Variants in PPP1R16B observed in about 807,000 individuals in gnomAD.
PPP1R16B encodes the protein protein phosphatase 1 regulatory inhibitor subunit 16B.
Under a neutral mutation model 61.7 loss-of-function variants are expected in PPP1R16B, and 14 were observed. The ratio of observed to expected loss-of-function variants is 0.23; its 90% CI spans 0.15 to 0.35. The LOEUF (loss-of-function observed/expected upper bound fraction) is 0.35. Among genes scored for constraint, PPP1R16B ranks in the 10% least tolerant of loss-of-function variants. PPP1R16B has a pLI of 1.00. For synonymous variants in PPP1R16B, 266 were observed against 305.3 expected (o/e 0.87, Z 1.34); for missense variants, 547 against 752.5 (o/e 0.73, Z 3.19).
intron 1 of PPP1R16B, among the ~76,000 whole-genome samples, chr20:38,822,616 T>C (rs563593702): frequency 1.3e-5 from 2 of 151,128 alleles, no homozygotes; most frequent in African/African-American, 4.8e-5. Context: ...CTCTGATCAA[T>C]AGCTTTGTTC....
At chr20:38,852,185 G>A (rs1248659650) in intron 2 of PPP1R16B, among the ~76,000 whole-genome samples, 2 of 152,198 alleles carry the variant, frequency 1.3e-5, no homozygotes, top group Non-Finnish European at 2.9e-5. Context: ...CATTGCTAAG[G>A]ACAATCTGAT....
At chr20:38,846,688 G>A (rs76872773) in intron 2 of PPP1R16B, among the ~76,000 whole-genome samples, 3,894 of 152,156 alleles carry the variant, frequency 0.026, 87 homozygotes, top group Admixed American at 0.07. Flanking sequence ...AAATTATGCC[G>A]TGGTGAATAT....
At chr20:38,835,357 A>G (rs757588244) in intron 1 of PPP1R16B, among the ~76,000 whole-genome samples, 11 of 152,148 alleles carry the variant, frequency 7.2e-5, no homozygotes, top group Non-Finnish European at 1.5e-4. Context: ...ACCCCTTCTG[A>G]TTCCAGCACT....
chr20:38,852,424 G>A (rs1357661101), intron 2 of PPP1R16B, among the ~76,000 whole-genome samples: 2 of 152,216 alleles, frequency 1.3e-5, no homozygotes, highest in Non-Finnish European at 2.9e-5. Context: ...GATAGTATGA[G>A]ACTGCTCTTG....
chr20:38,910,665 C>G (rs960293835), intron 10 of PPP1R16B, among the ~76,000 whole-genome samples: 1 of 151,744 alleles, frequency 6.6e-6, no homozygotes, highest in African/African-American at 2.4e-5. Flanking sequence ...TCTTGGGTAG[C>G]TGGGACTATA....
At chr20:38,817,664 T>C (rs1018820088) in intron 1 of PPP1R16B, among the ~76,000 whole-genome samples, 11 of 151,892 alleles carry the variant, frequency 7.2e-5, no homozygotes, top group African/African-American at 2.7e-4. Context: ...AGATGATAGC[T>C]ATTGTCATTT....
Position 38,920,748 on chromosome 20 carries a change from G to T in PPP1R16B, c.*2082G>T, listed in dbSNP as rs1401133260. 1 of 152,424 alleles carries T rather than the reference G, an allele frequency of 6.6e-6. No homozygotes were observed. The highest frequency in any genetic ancestry group is 1.5e-5 in the Non-Finnish European group (1 of 68,220). 9.4% of individuals were successfully genotyped at this position (152,424 alleles called of 1,614,324 possible). On this transcript the variant is annotated 3_prime_UTR_variant, in exon 11 of 11. Coordinates refer to ENST00000299824, the MANE Select transcript of PPP1R16B (RefSeq NM_015568.4). The stretch of plus-strand genomic sequence containing the variant: ...TAGAGTAGGGGTGGAGGCGGCCCAG[G>T]AGGCTGAAGACAGGTGCACAGATGC...
intron 2 of PPP1R16B, among the ~76,000 whole-genome samples, chr20:38,851,708 A>G (rs1197857887): frequency 6.6e-6 from 1 of 152,092 alleles, no homozygotes; most frequent in Non-Finnish European, 1.5e-5. Context: ...AACATGCTTA[A>G]CAATGGATGG....
intron 1 of PPP1R16B, among the ~76,000 whole-genome samples, chr20:38,815,377 T>C (rs1304116207): frequency 6.6e-6 from 1 of 152,230 alleles, no homozygotes; most frequent in Non-Finnish European, 1.5e-5. Flanking sequence ...GATAGTCCAG[T>C]GATAAAAATG....
chr20:38,876,869 T>G (rs1381826201), intron 2 of PPP1R16B, among the ~76,000 whole-genome samples: 2 of 152,258 alleles, frequency 1.3e-5, no homozygotes, highest in Non-Finnish European at 2.9e-5. Flanking sequence ...TTTAAAATGC[T>G]TGGGAAATAC....
chr20:38,827,707 A>G (rs1302724132), intron 1 of PPP1R16B, among the ~76,000 whole-genome samples: 2 of 152,204 alleles, frequency 1.3e-5, no homozygotes, highest in Admixed American at 1.3e-4. Flanking sequence ...ATTAGGGGAG[A>G]CAACATTGAT....
intron 4 of PPP1R16B, among the ~76,000 whole-genome samples, chr20:38,896,647 G>C (rs2085351894): frequency 6.6e-6 from 1 of 151,730 alleles, no homozygotes. Context: ...CCCATTTTAA[G>C]TGTGCAGGTT....
chr20:38,902,428 T>G (rs1237414993), intron 5 of PPP1R16B, among the ~76,000 whole-genome samples: 1 of 152,160 alleles, frequency 6.6e-6, no homozygotes, highest in African/African-American at 2.4e-5. Context: ...GAACAGCATA[T>G]GCAAAGTGAC....
At chr20:38,807,123 C>G (rs549971266) in intron 1 of PPP1R16B, among the ~76,000 whole-genome samples, 1 of 152,208 alleles carries the variant, frequency 6.6e-6, no homozygotes, top group Admixed American at 6.5e-5. Context: ...AAGGGCCTGC[C>G]GATGGCGGCC....
intron 6 of PPP1R16B, 24 bp downstream of exon 6, chr20:38,902,816 A>G (rs201673592): frequency 7.1e-5 from 115 of 1,613,782 alleles, no homozygotes; most frequent in Non-Finnish European, 2.0e-5. Context: ...CCAGTACCAA[A>G]ACCAAGACCA....
At chr20:38,832,748 G>A (rs919730098) in intron 1 of PPP1R16B, among the ~76,000 whole-genome samples, 11 of 151,864 alleles carry the variant, frequency 7.2e-5, no homozygotes, top group East Asian at 3.9e-4. Context: ...GTGAAACCCC[G>A]TCTCTACAAA....
intron 1 of PPP1R16B, among the ~76,000 whole-genome samples, chr20:38,814,308 C>T (rs1205197930): frequency 6.6e-6 from 1 of 152,176 alleles, no homozygotes; most frequent in Non-Finnish European, 1.5e-5. Context: ...GCTATCCCTA[C>T]TCTGAGGGAG....
In PPP1R16B at chr20:38,894,268, T is replaced by A. The variant is rs190707827; in HGVS notation, c.322-1297T>A. 8.3e-3 allele frequency among the ~76,000 whole-genome samples: 1,261 copies of A among 152,038 alleles called. 14 individuals carry two copies. Among genetic ancestry groups the A allele is most frequent in the African/African-American group, 0.028 (1,147 of 41,464 alleles). Reference sequence around the variant, plus strand: ...GGGGTGGGGCTGTGGTGCCGCCCCATCCCACGCCTACACCCACGCCCACAG... The same window carrying A: ...GGGGTGGGGCTGTGGTGCCGCCCCAACCCACGCCTACACCCACGCCCACAG... On this transcript the variant is annotated intron_variant, in intron 3 of 10. Transcript: ENST00000299824.
rs138935337 is a variant in PPP1R16B, at chr20:38,899,913, C to T, written c.468-668C>T. On this transcript the variant is annotated intron_variant, in intron 4 of 10. Coordinates refer to ENST00000299824, the MANE Select transcript of PPP1R16B (RefSeq NM_015568.4). ...CCAGTTTCAAGCAATTCTCATGCCT[C>T]AGCCTCCCGAATAGCTGGGATTATA... Among the ~76,000 whole-genome samples, 182 of 152,142 alleles carry T rather than the reference C, an allele frequency of 1.2e-3. 3 individuals are homozygous for T. In the East Asian group the frequency reaches 0.034, roughly 28 times the overall value.
Sources: gnomAD v4.1 joint callset for allele counts (sites outside exome capture counted in the v4.1 genomes callset) on GRCh38, gnomAD v4.1.1 for gene constraint, MANE v1.5 for transcripts, NCBI Gene and HGNC (gene_info 2026-07-23, HGNC 2026-07-21) for gene names.